MTBP: variants seen among roughly 807,000 people sequenced by gnomAD.
MTBP encodes MDM2 binding protein.
Under a neutral mutation model 117.0 loss-of-function variants are expected in MTBP, and 101 were observed. That is an observed-to-expected ratio of 0.86 (90% CI 0.73 to 1.02). MTBP has a LOEUF of 1.02. MTBP is among the 50% of genes least tolerant of loss of function. The probability of loss-of-function intolerance (pLI) is 0.00; values close to 1 mark genes in which losing one functional copy is unlikely to be tolerated. For synonymous variants in MTBP, 350 were observed against 351.5 expected (o/e 1.00, Z 0.05); for missense variants, 970 against 1,030.9 (o/e 0.94, Z 0.81).
chr8:120,510,527 A>G (rs1009205524), intron 17 of MTBP, among the ~76,000 whole-genome samples: 4 of 152,218 alleles, frequency 2.6e-5, no homozygotes, highest in Non-Finnish European at 4.4e-5. Flanking sequence ...ATATAAAGCA[A>G]TACTATTCAA....
intron 10 of MTBP, among the ~76,000 whole-genome samples, chr8:120,470,197 A>C (rs1183971623): frequency 6.6e-6 from 1 of 152,220 alleles, no homozygotes; most frequent in East Asian, 1.9e-4. Context: ...ACCAATATTT[A>C]ATAAGCATCT....
chr8:120,453,364 C>T (rs1813400743), intron 4 of MTBP, among the ~76,000 whole-genome samples: 1 of 151,914 alleles, frequency 6.6e-6, no homozygotes, highest in Non-Finnish European at 1.5e-5. Context: ...GGAGGACCTC[C>T]TGAACCTGGG....
At chr8:120,476,434 G>A (rs191653181) in intron 11 of MTBP, among the ~76,000 whole-genome samples, 3 of 131,406 alleles carry the variant, frequency 2.3e-5, no homozygotes, top group African/African-American at 7.6e-5. Flanking sequence ...AGAAATAAAG[G>A]GTATTCAGAT....
chr8:120,501,585 A>C (rs944238622), intron 14 of MTBP, among the ~76,000 whole-genome samples: 4 of 152,004 alleles, frequency 2.6e-5, no homozygotes, highest in African/African-American at 9.7e-5. Context: ...TCCTTTACCA[A>C]ATCATTACTT....
intron 2 of MTBP, among the ~76,000 whole-genome samples, chr8:120,447,236 T>A (rs1309580232): frequency 1.3e-5 from 2 of 152,042 alleles, no homozygotes; most frequent in Non-Finnish European, 2.9e-5. Context: ...AATTTTGTAG[T>A]TCCCGTGACT....
At chr8:120,504,701 C>G (rs1462847255) in intron 15 of MTBP, among the ~76,000 whole-genome samples, 5 of 151,584 alleles carry the variant, frequency 3.3e-5, no homozygotes, top group Admixed American at 1.3e-4. Flanking sequence ...TACTATTCTT[C>G]CCTTCATTTT....
At position 120,522,736 on chromosome 8, in the gene MTBP, CAAG is replaced by C; in HGVS notation, c.2676+20_2676+22del. 6.4e-7 allele frequency: 1 copy of C among 1,564,106 alleles called. No individual in the cohort carries two copies. Among genetic ancestry groups the C allele is most frequent in the South Asian group, 1.2e-5 (1 of 85,044 alleles). On this transcript the variant is annotated intron_variant, in intron 21 of 21. Transcript: ENST00000305949. ...GCTGTACAGGTAAAGAAATTATTCC[CAAG>C]AAACTATATTCAATTAAATTGGTAT...
chr8:120,472,029 T>G (rs1359721656), intron 11 of MTBP: 3 of 152,184 alleles, frequency 2.0e-5, no homozygotes, highest in Non-Finnish European at 2.9e-5. Flanking sequence ...TTGATGTGTG[T>G]TTTTTAAATT....
At chr8:120,497,665 T>A in intron 14 of MTBP, 111 bp downstream of exon 14, 1 of 663,000 alleles carries the variant, frequency 1.5e-6, no homozygotes, top group Non-Finnish European at 2.5e-6. Flanking sequence ...TTCACAAATT[T>A]AAATAATAAT....
At chr8:120,448,930 A>G (rs1185794419) in intron 2 of MTBP, among the ~76,000 whole-genome samples, 1 of 152,170 alleles carries the variant, frequency 6.6e-6, no homozygotes, top group Non-Finnish European at 1.5e-5. Context: ...GGCTATTTAG[A>G]GGATTTTGTA....
At chr8:120,471,562 C>G (rs1813817296) in intron 11 of MTBP, 1 of 152,284 alleles carries the variant, frequency 6.6e-6, no homozygotes, top group South Asian at 2.1e-4. Flanking sequence ...CTCCGCCTCC[C>G]AGAGTGCTAG....
At chr8:120,446,592 G>A in intron 2 of MTBP, 79 bp downstream of exon 2, 1 of 892,182 alleles carries the variant, frequency 1.1e-6, no homozygotes, top group Middle Eastern at 2.2e-4. Flanking sequence ...ACCCTAAGGA[G>A]TACAAGGAAA....
chr8:120,469,825 C>T (rs1813781531), intron 10 of MTBP, among the ~76,000 whole-genome samples: 1 of 152,146 alleles, frequency 6.6e-6, no homozygotes, highest in African/African-American at 2.4e-5. Context: ...TTCAACAGTG[C>T]AAAAACCACA....
In MTBP at chr8:120,456,588, ATGT is replaced by A. The variant is rs749551484; in HGVS notation, c.669_671del (p.Val224del). 10 of 1,595,666 alleles carry A rather than the reference ATGT, an allele frequency of 6.3e-6. No individual in the cohort carries two copies. The highest frequency in any genetic ancestry group is 2.3e-5 in the East Asian group (1 of 44,368). ...AAAATTGCAGAATACCTTTCTGCTAATGTTGTATCTTTAGAAGATCTCAGAAAT... is the reference window on the plus strand; with the variant it reads ...AAAATTGCAGAATACCTTTCTGCTAATGTATCTTTAGAAGATCTCAGAAAT... On this transcript the variant is annotated inframe_deletion, in exon 7 of 22. Transcript: ENST00000305949.
intron 3 of MTBP, 31 bp from the exon 4 acceptor site, chr8:120,451,140 C>A (rs771535329): frequency 1.0e-4 from 158 of 1,575,736 alleles, no homozygotes; most frequent in Non-Finnish European, 1.3e-4. Flanking sequence ...TTTCATGATC[C>A]ATTATTTAAT....
intron 10 of MTBP, among the ~76,000 whole-genome samples, chr8:120,468,088 A>G (rs1272160352): frequency 2.0e-5 from 3 of 152,204 alleles, no homozygotes; most frequent in Non-Finnish European, 4.4e-5. Context: ...AGAAAGAACT[A>G]GGATTTAGTG....
intron 16 of MTBP, among the ~76,000 whole-genome samples, chr8:120,507,451 G>A (rs193231882): frequency 1.2e-4 from 19 of 152,152 alleles, no homozygotes; most frequent in Admixed American, 5.9e-4. Flanking sequence ...AAAATTGACT[G>A]TAAAATTGTG....
rs866133049 is a variant in MTBP at position 120,478,686 on chromosome 8, T to C, written c.1165+7749T>C. Among the ~76,000 whole-genome samples, 5 of 152,346 alleles carry C rather than the reference T, an allele frequency of 3.3e-5. No individual in the cohort carries two copies. The Middle Eastern group carries it at 0.014, about 415-fold the overall frequency. ...AGGGACTAGATAATGACTGATAAAA[T>C]GTTTTGAAATGATGAAGCATGTGCC... On this transcript the variant is annotated intron_variant, in intron 11 of 21. Coordinates refer to ENST00000305949, the MANE Select transcript of MTBP (RefSeq NM_022045.5).
In MTBP at chr8:120,456,576, A is replaced by G; in HGVS notation, c.653A>G (p.Tyr218Cys). ...AGAAACTGTCAGAAAATTGCAGAAT[A>G]CCTTTCTGCTAATGTTGTATCTTTA... ...CEINCQKIAE[Y>C]LSANVVSLED... Residue 218 changes from tyrosine (Y) to cysteine (C), a missense_variant, in exon 7 of 22, where the codon TAC (tyrosine) becomes TGC (cysteine). Transcript: ENST00000305949. 2 of 1,574,728 alleles carry G rather than the reference A, an allele frequency of 1.3e-6. No homozygotes were observed. Among genetic ancestry groups the G allele is most frequent in the Non-Finnish European group, 1.7e-6 (2 of 1,151,990 alleles).
Sources: gnomAD v4.1 joint callset for allele counts (sites outside exome capture counted in the v4.1 genomes callset) on GRCh38, gnomAD v4.1.1 for gene constraint, MANE v1.5 for transcripts, NCBI Gene and HGNC (gene_info 2026-07-23, HGNC 2026-07-21) for gene names.